Variants in THEMIS observed in about 807,000 individuals in gnomAD.
The protein encoded by THEMIS is thymocyte selection associated, also known as protein THEMIS.
THEMIS carries 37 observed loss-of-function variants against 52.6 expected under a neutral mutation model. The ratio of observed to expected loss-of-function variants is 0.70; its 90% CI spans 0.54 to 0.93. THEMIS has a LOEUF of 0.93. THEMIS is among the 40% of genes least tolerant of loss of function. The probability of loss-of-function intolerance (pLI) is 0.00; values close to 1 mark genes in which losing one functional copy is unlikely to be tolerated. For missense variants in THEMIS, 808 were observed against 763.1 expected (o/e 1.06, Z -0.69); for synonymous variants, 292 against 272.7 (o/e 1.07, Z -0.70).
intron 2 of THEMIS, among the ~76,000 whole-genome samples, chr6:127,839,377 G>A (rs1778970909): frequency 6.6e-6 from 1 of 151,902 alleles, no homozygotes; most frequent in African/African-American, 2.4e-5. Flanking sequence ...ATTCCTTTAT[G>A]TACATACAGT....
intron 1 of THEMIS, among the ~76,000 whole-genome samples, chr6:127,908,640 G>A (rs1781336295): frequency 6.6e-6 from 1 of 152,070 alleles, no homozygotes; most frequent in Non-Finnish European, 1.5e-5. Flanking sequence ...AAAAAATGAA[G>A]CCCTTATATT....
chr6:127,783,781 G>C (rs1044745672), intron 4 of THEMIS, among the ~76,000 whole-genome samples: 1 of 152,200 alleles, frequency 6.6e-6, no homozygotes, highest in African/African-American at 2.4e-5. Flanking sequence ...CTGTTACACT[G>C]TTGTTGGGAA....
chr6:127,704,276 G>T (rs535906867), downstream of THEMIS, among the ~76,000 whole-genome samples: 1 of 152,126 alleles, frequency 6.6e-6, no homozygotes, highest in Non-Finnish European at 1.5e-5. Flanking sequence ...ATGAGGTAAC[G>T]CAAATGACTG....
chr6:127,752,874 T>C (rs1469897714), intron 4 of THEMIS, among the ~76,000 whole-genome samples: 1 of 151,706 alleles, frequency 6.6e-6, no homozygotes, highest in East Asian at 1.9e-4. Context: ...ACCCAAAAAA[T>C]AGAAAACCAC....
chr6:127,886,085 A>G (rs1054295315), intron 1 of THEMIS, among the ~76,000 whole-genome samples: 5 of 152,000 alleles, frequency 3.3e-5, no homozygotes, highest in African/African-American at 1.2e-4. Flanking sequence ...CACTTTTCCT[A>G]TAACATCCCA....
At chr6:127,884,418 A>G (rs34509171) in intron 1 of THEMIS, among the ~76,000 whole-genome samples, 1 of 152,038 alleles carries the variant, frequency 6.6e-6, no homozygotes, top group Non-Finnish European at 1.5e-5. Flanking sequence ...AAAGGCCTCA[A>G]ACTCATTGGA....
At chr6:127,755,246 T>C (rs1435817991) in intron 4 of THEMIS, among the ~76,000 whole-genome samples, 7 of 152,184 alleles carry the variant, frequency 4.6e-5, no homozygotes, top group Admixed American at 4.6e-4. Context: ...ATGCTAGGCA[T>C]TGAATCCCTG....
intron 2 of THEMIS, among the ~76,000 whole-genome samples, chr6:127,834,498 C>T (rs769210042): frequency 1.9e-4 from 29 of 151,022 alleles, no homozygotes; most frequent in Non-Finnish European, 2.7e-4. Flanking sequence ...GTAGGAGAAT[C>T]GCTTGAACCT....
At chr6:127,873,254 C>T (rs1048974025) in intron 1 of THEMIS, among the ~76,000 whole-genome samples, 1 of 152,150 alleles carries the variant, frequency 6.6e-6, no homozygotes, top group Non-Finnish European at 1.5e-5. Flanking sequence ...TTCTTATCAA[C>T]ATTTTTGTAA....
chr6:127,802,539 C>CT (rs1777570956), intron 4 of THEMIS, among the ~76,000 whole-genome samples: 3 of 139,472 alleles, frequency 2.2e-5, no homozygotes, highest in South Asian at 2.3e-4. Context: ...GCTAATTAAT[C>CT]ACAGTGTTCC....
intron 1 of THEMIS, among the ~76,000 whole-genome samples, chr6:127,897,608 C>T (rs1029668286): frequency 4.6e-5 from 7 of 151,402 alleles, no homozygotes; most frequent in Non-Finnish European, 8.9e-5. Flanking sequence ...TATACTCTTG[C>T]CAGAATGACT....
chr6:127,848,330 G>C (rs951545139), intron 2 of THEMIS, among the ~76,000 whole-genome samples: 2 of 151,938 alleles, frequency 1.3e-5, no homozygotes, highest in African/African-American at 4.8e-5. Flanking sequence ...ACCATTGTTG[G>C]ACATTTGGGT....
At chr6:127,769,490 G>A (rs772666891) in intron 4 of THEMIS, among the ~76,000 whole-genome samples, 73 of 151,940 alleles carry the variant, frequency 4.8e-4, no homozygotes, top group Non-Finnish European at 7.9e-4. Context: ...TGGCACAGAC[G>A]AAGCAACACG....
intron 1 of THEMIS, among the ~76,000 whole-genome samples, chr6:127,890,905 G>T (rs1180411427): frequency 6.6e-6 from 1 of 151,950 alleles, no homozygotes. Flanking sequence ...ATGGAAAGCG[G>T]CATCCTCTTT....
chr6:127,708,179 A>G (rs1432650404), downstream of THEMIS: 90 of 152,150 alleles, frequency 5.9e-4, 1 homozygote. Context: ...AGAGTTAAAC[A>G]TAGAAGAGAA....
chr6:127,731,266 G>A (rs2114524371), intron 4 of THEMIS, among the ~76,000 whole-genome samples: 1 of 152,190 alleles, frequency 6.6e-6, no homozygotes, highest in African/African-American at 2.4e-5. Flanking sequence ...ATAAAGAAAT[G>A]CTTTCACTAA....
At chr6:127,824,598 TAA>T (rs147570426) in intron 3 of THEMIS, among the ~76,000 whole-genome samples, 1 of 148,172 alleles carries the variant, frequency 6.7e-6, no homozygotes. Flanking sequence ...CACCAAAACT[TAA>T]AAAAAAAAGA....
At chr6:127,838,239 T>A (rs1056695002) in intron 2 of THEMIS, among the ~76,000 whole-genome samples, 2 of 152,092 alleles carry the variant, frequency 1.3e-5, no homozygotes, top group Non-Finnish European at 2.9e-5. Context: ...GATACACTCC[T>A]CAGTTAGGTT....
At chr6:127,840,890 A>G (rs1248419365) in intron 2 of THEMIS, among the ~76,000 whole-genome samples, 1 of 152,084 alleles carries the variant, frequency 6.6e-6, no homozygotes, top group East Asian at 1.9e-4. Flanking sequence ...TGACGCTCTG[A>G]AAAAGGCAAA....
Sources: gnomAD v4.1 joint callset for allele counts (sites outside exome capture counted in the v4.1 genomes callset) on GRCh38, gnomAD v4.1.1 for gene constraint, MANE v1.5 for transcripts, NCBI Gene and HGNC (gene_info 2026-07-23, HGNC 2026-07-21) for gene names.